The following VPS13D variants were observed in gnomAD, a reference collection of about 807,000 sequenced individuals.
The protein encoded by VPS13D is intermembrane lipid transfer protein VPS13D.
Under a neutral mutation model 461.9 loss-of-function variants are expected in VPS13D, and 187 were observed. The ratio of observed to expected loss-of-function variants is 0.40; its 90% CI spans 0.36 to 0.46. The LOEUF (loss-of-function observed/expected upper bound fraction) is 0.46, where lower values mean the gene tolerates loss of function less well. Among genes scored for constraint, VPS13D ranks in the 20% least tolerant of loss-of-function variants. The pLI, the probability that VPS13D is intolerant of heterozygous loss-of-function variation, is 0.60. For synonymous variants in VPS13D, 1,951 were observed against 1,986.3 expected (o/e 0.98, Z 0.47); for missense variants, 4,711 against 5,364.9 (o/e 0.88, Z 3.81).
At chr1:12,457,780 G>A (rs938392059) in intron 66 of VPS13D, among the ~76,000 whole-genome samples, 5 of 152,212 alleles carry the variant, frequency 3.3e-5, no homozygotes, top group African/African-American at 1.2e-4. Context: ...CTGCCCAACC[G>A]TAAAGGGAGC....
At chr1:12,384,116 T>A (rs990868204) in intron 58 of VPS13D, among the ~76,000 whole-genome samples, 3 of 152,006 alleles carry the variant, frequency 2.0e-5, no homozygotes, top group African/African-American at 7.3e-5. Flanking sequence ...CTGGAGATAG[T>A]GAAATACCAG....
At chr1:12,472,228 T>G (rs1322813470) in intron 67 of VPS13D, among the ~76,000 whole-genome samples, 1 of 152,184 alleles carries the variant, frequency 6.6e-6, no homozygotes, top group Non-Finnish European at 1.5e-5. Context: ...TCTTTAAAGA[T>G]GAGGCACTAA....
chr1:12,357,640 A>AAC (rs1325716127), intron 49 of VPS13D, among the ~76,000 whole-genome samples: 1 of 152,202 alleles, frequency 6.6e-6, no homozygotes, highest in Non-Finnish European at 1.5e-5. Context: ...GTAGAGCTGG[A>AAC]ACACACATTC....
Position 12,379,492 on chromosome 1 carries a change from G to A in VPS13D, c.11086G>A (p.Glu3696Lys). Reference protein sequence around the residue: ...GLAAVTDNRYEPLMLRKPDRR... With the variant: ...GLAAVTDNRYKPLMLRKPDRR... ...ATTGTGTATTCCGTTTTCCAGATAC[G>A]AGCCACTGATGCTGAGAAAGCCTGA... Residue 3696 changes from glutamate (E) to lysine (K), a missense_variant, in exon 57 of 70, where the codon GAG (glutamate) becomes AAG (lysine). By Grantham distance (56) the Glu-to-Lys change is moderately conservative. Coordinates refer to ENST00000620676, the MANE Select transcript of VPS13D (RefSeq NM_015378.4). 2 of 1,612,116 alleles carry A rather than the reference G, an allele frequency of 1.2e-6. No homozygotes were observed. The highest frequency in any genetic ancestry group is 2.2e-5 in the East Asian group (1 of 44,714).
At chr1:12,498,029 C>G (rs1319882491) in intron 68 of VPS13D, among the ~76,000 whole-genome samples, 2 of 152,210 alleles carry the variant, frequency 1.3e-5, no homozygotes, top group African/African-American at 4.8e-5. Flanking sequence ...AAATAGCAAA[C>G]AACTAATAGT....
At chr1:12,414,098 A>G (rs1243826705) in intron 63 of VPS13D, among the ~76,000 whole-genome samples, 1 of 152,202 alleles carries the variant, frequency 6.6e-6, no homozygotes, top group Non-Finnish European at 1.5e-5. Flanking sequence ...AGCCTGGGCA[A>G]CATGGTGAAA....
Position 12,257,942 on chromosome 1 carries a change from G to A in VPS13D, c.949G>A (p.Glu317Lys), listed in dbSNP as rs1471367946. The A allele has an allele frequency of 1.2e-6, 2 of 1,614,210 alleles. No homozygotes were observed. Among genetic ancestry groups the A allele is most frequent in the Admixed American group, 1.7e-5 (1 of 60,018 alleles). ...PKVAISKNCREWWYFALNANL... is the reference protein window; with the variant it reads ...PKVAISKNCRKWWYFALNANL... ...CGTTATGGACTATTTCAGCTGCCGA[G>A]AATGGTGGTATTTTGCTTTGAATGC... Residue 317 changes from glutamate (E) to lysine (K), a missense_variant, in exon 10 of 70, where the codon GAA (glutamate) becomes AAA (lysine). Physicochemically the swap from Glu to Lys is moderately conservative, Grantham distance 56 (BLOSUM62 1). Coordinates refer to ENST00000620676, the MANE Select transcript of VPS13D (RefSeq NM_015378.4).
At chr1:12,405,545 A>G (rs1224560674) in intron 63 of VPS13D, among the ~76,000 whole-genome samples, 3 of 152,164 alleles carry the variant, frequency 2.0e-5, no homozygotes, top group Non-Finnish European at 4.4e-5. Context: ...TGGAGCAGGA[A>G]TGGCTCTTGC....
chr1:12,373,727 T>C, intron 54 of VPS13D, 23 bp from the exon 55 acceptor site: 3 of 1,345,736 alleles, frequency 2.2e-6, no homozygotes, highest in Non-Finnish European at 2.9e-6. Flanking sequence ...TTTTATGTAA[T>C]ATATATATTT....
intron 49 of VPS13D, 113 bp from the exon 50 acceptor site, chr1:12,358,346 C>T (rs755020914): frequency 5.1e-6 from 7 of 1,367,384 alleles, no homozygotes; most frequent in Non-Finnish European, 5.0e-6. Context: ...GGAAGAGAGT[C>T]AGTGGTAGAG....
chr1:12,256,353 G>A lies in VPS13D; in HGVS notation c.690G>A (p.Met230Ile), dbSNP rs1640920688. ...CACAGGAGGCCATGGCCAGGAGCAT[G>A]GAGAGTCGCAGCCATCACTACGTCC... ...MELQEAMARS[M>I]ESRSHHYVLE... Residue 230 changes from methionine (M) to isoleucine (I), a missense_variant, in exon 8 of 70, where the codon ATG (methionine) becomes ATA (isoleucine). By Grantham distance (10) the Met-to-Ile change is conservative. Coordinates refer to ENST00000620676, the MANE Select transcript of VPS13D (RefSeq NM_015378.4). The A allele has an allele frequency of 6.2e-7, 1 of 1,613,944 alleles. No individual in the cohort carries two copies.
chr1:12,398,652 G>A (rs904066199), intron 60 of VPS13D, among the ~76,000 whole-genome samples: 2 of 152,208 alleles, frequency 1.3e-5, no homozygotes, highest in African/African-American at 2.4e-5. Flanking sequence ...GCATGTCTGA[G>A]TGTGGCAAGT....
At chr1:12,503,775 A>C (rs1646065799) in intron 68 of VPS13D, among the ~76,000 whole-genome samples, 1 of 152,036 alleles carries the variant, frequency 6.6e-6, no homozygotes, top group African/African-American at 2.4e-5. Flanking sequence ...TCCAACAGTC[A>C]CTCATTCGTG....
chr1:12,465,904 A>T lies in VPS13D; in HGVS notation c.12662+5508A>T, dbSNP rs562101728. ...GTAATCCCAGCACTTTGGGAGGCCG[A>T]GGTGGGCGGATCACGAGGTCAAGAG... On this transcript the variant is annotated intron_variant, in intron 67 of 69. Coordinates refer to ENST00000620676, the MANE Select transcript of VPS13D (RefSeq NM_015378.4). Among the ~76,000 whole-genome samples, 13 of 152,288 alleles carry T rather than the reference A, an allele frequency of 8.5e-5. 1 individual carries two copies. Among genetic ancestry groups the T allele is most frequent in the African/African-American group, 3.1e-4 (13 of 41,568 alleles).
At chr1:12,414,324 A>G (rs1182789495) in intron 63 of VPS13D, among the ~76,000 whole-genome samples, 1 of 152,076 alleles carries the variant, frequency 6.6e-6, no homozygotes, top group Non-Finnish European at 1.5e-5. Context: ...TTATAGCAGC[A>G]TTATTCATAA....
intron 67 of VPS13D, among the ~76,000 whole-genome samples, chr1:12,487,514 G>A (rs551449745): frequency 9.3e-4 from 142 of 152,166 alleles, no homozygotes; most frequent in African/African-American, 3.2e-3. Flanking sequence ...GGGAGGCTGA[G>A]GCAGGAGAAT....
At chr1:12,237,164 G>A (rs1299019880) in intron 2 of VPS13D, among the ~76,000 whole-genome samples, 1 of 151,696 alleles carries the variant, frequency 6.6e-6, no homozygotes, top group Non-Finnish European at 1.5e-5. Flanking sequence ...TATGTAGATT[G>A]CATCCACATA....
At chr1:12,352,313 C>T (rs1643814291) in intron 46 of VPS13D, among the ~76,000 whole-genome samples, 1 of 151,982 alleles carries the variant, frequency 6.6e-6, no homozygotes, top group South Asian at 2.1e-4. Flanking sequence ...AAGGAGTACA[C>T]AGGCCACAGA....
Position 12,322,573 on chromosome 1 carries a change from A to G in VPS13D, c.7742A>G (p.Asn2581Ser), listed in dbSNP as rs1486383620. ...GCCCTGGATATCAGACTCTCCTATA[A>G]TGATGTTCAGCTGTTTCTTGCCATT... ...LQALDIRLSY[N>S]DVQLFLAIAK... Residue 2581 changes from asparagine (N) to serine (S), a missense_variant, in exon 34 of 70, where the codon AAT becomes AGT. Physicochemically the swap from Asn to Ser is conservative, Grantham distance 46. Coordinates refer to ENST00000620676, the MANE Select transcript of VPS13D (RefSeq NM_015378.4). The G allele has an allele frequency of 6.2e-7, 1 of 1,614,230 alleles. No homozygotes were observed. Among genetic ancestry groups the G allele is most frequent in the South Asian group, 1.1e-5 (1 of 91,080 alleles).
Sources: allele counts gnomAD v4.1 joint callset (sites outside exome capture counted in the v4.1 genomes callset), GRCh38; gene constraint gnomAD v4.1.1; transcripts MANE v1.5; gene names NCBI Gene and HGNC (gene_info 2026-07-23, HGNC 2026-07-21).